The following LINGO2 variants were observed in gnomAD, a reference collection of about 807,000 sequenced individuals.
The protein encoded by LINGO2 is leucine rich repeat and Ig domain containing 2, also known as leucine-rich repeat and immunoglobulin-like domain-containing nogo receptor-interacting protein 2.
LINGO2 carries 14 observed loss-of-function variants against 30.6 expected under a neutral mutation model. That is an observed-to-expected ratio of 0.46 (90% CI 0.30 to 0.72). The LOEUF is 0.72. LINGO2 is among the 30% of genes least tolerant of loss of function. The pLI, the probability that LINGO2 is intolerant of heterozygous loss-of-function variation, is 0.07. For missense variants in LINGO2, 729 were observed against 751.7 expected (o/e 0.97, Z 0.35); for synonymous variants, 317 against 288.5 (o/e 1.10, Z -1.00).
At chr9:28,502,131 G>GACACACACACACACACACAC (rs57545947) in intron 1 of LINGO2, among the ~76,000 whole-genome samples, 1 of 147,028 alleles carries the variant, frequency 6.8e-6, no homozygotes, top group East Asian at 2.1e-4. Context: ...GAGAAACACA[G>GACACACACACACACACACAC]ACACACACAC....
the LINGO2 span, chr9:27,939,165 C>T: frequency 6.6e-6 from 1 of 152,178 alleles, no homozygotes; most frequent in African/African-American, 2.4e-5. Flanking sequence ...TACACATGCT[C>T]ATATGATCAT....
At chr9:28,804,082 C>T in the LINGO2 span, among the ~76,000 whole-genome samples, 1 of 151,996 alleles carries the variant, frequency 6.6e-6, no homozygotes, top group African/African-American at 2.4e-5. Flanking sequence ...AGAACTGGGC[C>T]TCTTGTGTTA....
chr9:28,935,127 A>G, the LINGO2 span, among the ~76,000 whole-genome samples: 1 of 152,140 alleles, frequency 6.6e-6, no homozygotes, highest in Non-Finnish European at 1.5e-5. Context: ...GGATATATAT[A>G]CTTGTAACCT....
chr9:28,995,670 C>G, the LINGO2 span, among the ~76,000 whole-genome samples: 1 of 152,172 alleles, frequency 6.6e-6, no homozygotes, highest in Non-Finnish European at 1.5e-5. Context: ...CACATATACA[C>G]TATGGAATAC....
At chr9:27,973,676 A>G (rs1820459159) in intron 5 of LINGO2, among the ~76,000 whole-genome samples, 2 of 152,146 alleles carry the variant, frequency 1.3e-5, no homozygotes, top group African/African-American at 2.4e-5. Flanking sequence ...GGGTTTTCAG[A>G]TATAGCTTCT....
the LINGO2 span, among the ~76,000 whole-genome samples, chr9:28,903,712 A>T: frequency 6.6e-6 from 1 of 152,086 alleles, no homozygotes. Context: ...TGTTAGGCTC[A>T]AGCTATCCTC....
the LINGO2 span, among the ~76,000 whole-genome samples, chr9:28,905,943 G>A: frequency 6.6e-6 from 1 of 152,034 alleles, no homozygotes; most frequent in Non-Finnish European, 1.5e-5. Flanking sequence ...TAAAGAAGAT[G>A]TGTTATATAT....
intron 1 of LINGO2, among the ~76,000 whole-genome samples, chr9:28,607,388 T>C (rs1386931652): frequency 6.6e-6 from 1 of 151,576 alleles, no homozygotes; most frequent in Admixed American, 6.6e-5. Context: ...TATTTTTTCC[T>C]ATTCATATTT....
chr9:28,749,287 C>T, the LINGO2 span, among the ~76,000 whole-genome samples: 3 of 152,004 alleles, frequency 2.0e-5, no homozygotes, highest in African/African-American at 7.3e-5. Context: ...CATTGAGAGC[C>T]TTTTACATTG....
At chr9:27,947,143 A>T (rs768240214), downstream of LINGO2, among the ~76,000 whole-genome samples, 3 of 152,180 alleles carry the variant, frequency 2.0e-5, no homozygotes, top group Non-Finnish European at 4.4e-5. Context: ...TATCAGTTCT[A>T]TGCTGATTAA....
upstream of LINGO2, among the ~76,000 whole-genome samples, chr9:28,670,663 T>G (rs1196106595): frequency 6.6e-6 from 1 of 152,118 alleles, no homozygotes; most frequent in African/African-American, 2.4e-5. Flanking sequence ...AAGTAGAGGG[T>G]TTAGCTTTTA....
At position 28,565,506 on chromosome 9, in the gene LINGO2, T is replaced by TA. The variant is rs201341379; in HGVS notation, c.-364-89482_-364-89481insT. ...GATAAGGAAAAATTATTTTTATTTT[T>TA]TTTTTTTTACAGACATCTAGAGACA... On this transcript the variant is annotated intron_variant, in intron 1 of 5. Transcript: ENST00000379992. 2.5e-3 allele frequency among the ~76,000 whole-genome samples: 379 copies of TA among 150,786 alleles called. 2 individuals carry two copies. The highest frequency in any genetic ancestry group is 0.014 in the Middle Eastern group (4 of 284).
chr9:28,874,815 T>C, the LINGO2 span, among the ~76,000 whole-genome samples: 16 of 152,164 alleles, frequency 1.1e-4, no homozygotes, highest in African/African-American at 3.9e-4. Context: ...AAATGACCTG[T>C]GGCTTTACGC....
intron 4 of LINGO2, among the ~76,000 whole-genome samples, chr9:28,087,003 G>T (rs1396550004): frequency 6.6e-6 from 1 of 152,068 alleles, no homozygotes; most frequent in Non-Finnish European, 1.5e-5. Context: ...GTGACAATGT[G>T]CCAGTTTCAA....
At chr9:28,826,306 T>C in the LINGO2 span, among the ~76,000 whole-genome samples, 6 of 152,098 alleles carry the variant, frequency 3.9e-5, no homozygotes, top group African/African-American at 1.4e-4. Context: ...CAAAAGACTT[T>C]TGAAAAATTA....
chr9:28,311,173 T>A (rs796754860), intron 3 of LINGO2, among the ~76,000 whole-genome samples: 7 of 151,762 alleles, frequency 4.6e-5, no homozygotes, highest in African/African-American at 1.7e-4. Context: ...CCAGCAAGTT[T>A]TTATTAGTGA....
chr9:28,309,303 A>T (rs954784716), intron 3 of LINGO2, among the ~76,000 whole-genome samples: 2 of 152,102 alleles, frequency 1.3e-5, no homozygotes, highest in African/African-American at 2.4e-5. Context: ...GAAATTGGAA[A>T]TCCTCATTCT....
intron 4 of LINGO2, among the ~76,000 whole-genome samples, chr9:28,212,212 T>C (rs1820616980): frequency 6.6e-6 from 1 of 151,532 alleles, no homozygotes; most frequent in African/African-American, 2.4e-5. Flanking sequence ...GACAACACCA[T>C]CGTGAACAGG....
intron 1 of LINGO2, among the ~76,000 whole-genome samples, chr9:28,624,322 C>T (rs1826552677): frequency 6.6e-6 from 1 of 151,570 alleles, no homozygotes; most frequent in Non-Finnish European, 1.5e-5. Flanking sequence ...TCATGTACAG[C>T]TTTTTTTTAT....
Sources: allele counts gnomAD v4.1 joint callset (sites outside exome capture counted in the v4.1 genomes callset), GRCh38; gene constraint gnomAD v4.1.1; transcripts MANE v1.5; gene names NCBI Gene and HGNC (gene_info 2026-07-23, HGNC 2026-07-21).